Variants in FAF1 observed in about 807,000 individuals in gnomAD.
The protein encoded by FAF1 is FAS-associated factor 1.
FAF1 carries 25 observed loss-of-function variants against 92.5 expected under a neutral mutation model. The observed-to-expected ratio is 0.27, with a 90% CI of 0.20 to 0.38. FAF1 has a LOEUF of 0.38. FAF1 is among the 10% of genes least tolerant of loss of function. The pLI is 1.00. For synonymous variants in FAF1, 234 were observed against 273.2 expected, an observed-to-expected ratio of 0.86 and a Z score of 1.42; for missense variants, 636 against 793.3, an observed-to-expected ratio of 0.80 and a Z score of 2.38.
intron 4 of FAF1, among the ~76,000 whole-genome samples, chr1:50,756,397 G>C (rs1027857296): frequency 6.8e-6 from 1 of 146,860 alleles, no homozygotes; most frequent in African/African-American, 2.8e-5. Flanking sequence ...GACCACCTAA[G>C]CCTGAACTTT....
intron 7 of FAF1, among the ~76,000 whole-genome samples, chr1:50,667,105 G>C (rs1308742425): frequency 6.6e-6 from 1 of 152,174 alleles, no homozygotes; most frequent in Non-Finnish European, 1.5e-5. Flanking sequence ...TCACAGAAAG[G>C]GGGCAGAGTT....
intron 15 of FAF1, among the ~76,000 whole-genome samples, chr1:50,496,383 G>A (rs1419887010): frequency 6.6e-6 from 1 of 152,108 alleles, no homozygotes; most frequent in African/African-American, 2.4e-5. Flanking sequence ...AACATAACAA[G>A]TATGTTCAAA....
chr1:50,736,110 T>C (rs1317578095), intron 6 of FAF1, among the ~76,000 whole-genome samples: 1 of 152,194 alleles, frequency 6.6e-6, no homozygotes, highest in Non-Finnish European at 1.5e-5. Context: ...ATGCAAATTC[T>C]TAAGAATTAT....
intron 2 of FAF1, among the ~76,000 whole-genome samples, chr1:50,810,027 C>A (rs1662356889): frequency 6.6e-6 from 1 of 151,922 alleles, no homozygotes; most frequent in African/African-American, 2.4e-5. Context: ...AGGCTGAGGC[C>A]CGTGGATCAC....
At chr1:50,521,100 T>C (rs572696526) in intron 15 of FAF1, among the ~76,000 whole-genome samples, 2 of 152,230 alleles carry the variant, frequency 1.3e-5, no homozygotes, top group Non-Finnish European at 2.9e-5. Flanking sequence ...TTCTGAACTA[T>C]ATATACATTG....
chr1:50,741,513 C>A (rs1212043273), intron 5 of FAF1, among the ~76,000 whole-genome samples: 2 of 152,140 alleles, frequency 1.3e-5, no homozygotes, highest in Non-Finnish European at 2.9e-5. Context: ...TTTAAAAGAT[C>A]ACTCTGACTG....
At chr1:50,781,406 A>C (rs955170735) in intron 4 of FAF1, among the ~76,000 whole-genome samples, 4 of 152,226 alleles carry the variant, frequency 2.6e-5, no homozygotes, top group Admixed American at 2.6e-4. Flanking sequence ...CTGTCACAGG[A>C]GATAAAGAAA....
At chr1:50,569,563 T>C (rs1650332803) in intron 12 of FAF1, among the ~76,000 whole-genome samples, 1 of 152,196 alleles carries the variant, frequency 6.6e-6, no homozygotes, top group South Asian at 2.1e-4. Context: ...GACAGAGGGA[T>C]GTCAACCCCT....
intron 13 of FAF1, among the ~76,000 whole-genome samples, chr1:50,540,993 C>T (rs1002042045): frequency 6.6e-6 from 1 of 152,174 alleles, no homozygotes; most frequent in Admixed American, 6.5e-5. Context: ...TATGTTCTAG[C>T]TGATGAGCAA....
chr1:50,861,488 A>T (rs978457259), intron 1 of FAF1, among the ~76,000 whole-genome samples: 8 of 151,802 alleles, frequency 5.3e-5, no homozygotes, highest in African/African-American at 1.9e-4. Flanking sequence ...TACTTGTGAG[A>T]GTTAAACAAT....
At chr1:50,612,615 CCAG>C (rs1382253134) in intron 8 of FAF1, 1 of 344,912 alleles carries the variant, frequency 2.9e-6, no homozygotes, top group Non-Finnish European at 4.1e-6. Flanking sequence ...GGATATTTTT[CCAG>C]CAGCATCTAA....
chr1:50,579,813 T>C (rs527342564), intron 12 of FAF1, among the ~76,000 whole-genome samples: 1 of 152,292 alleles, frequency 6.6e-6, no homozygotes, highest in African/African-American at 2.4e-5. Context: ...AGATATCTAA[T>C]ACTCAAATAT....
At chr1:50,944,792 C>T (rs974307338) in intron 1 of FAF1, among the ~76,000 whole-genome samples, 1 of 152,212 alleles carries the variant, frequency 6.6e-6, no homozygotes, top group African/African-American at 2.4e-5. Flanking sequence ...AGATACCAAC[C>T]AGGCTGGCCT....
At chr1:50,555,802 T>G (rs562222176) in intron 13 of FAF1, among the ~76,000 whole-genome samples, 26 of 152,234 alleles carry the variant, frequency 1.7e-4, no homozygotes, top group Middle Eastern at 3.4e-3. Flanking sequence ...AAAAGATACC[T>G]GCATGCATAT....
At chr1:50,773,621 A>T (rs1433543823) in intron 4 of FAF1, among the ~76,000 whole-genome samples, 1 of 152,204 alleles carries the variant, frequency 6.6e-6, no homozygotes, top group African/African-American at 2.4e-5. Context: ...TATGGAATCT[A>T]AACATCTGAA....
chr1:50,624,760 G>A (rs1369870130), intron 8 of FAF1, among the ~76,000 whole-genome samples: 3 of 152,144 alleles, frequency 2.0e-5, no homozygotes, highest in East Asian at 3.9e-4. Context: ...TTCCCTTGGT[G>A]TGACTTACAA....
intron 13 of FAF1, among the ~76,000 whole-genome samples, chr1:50,543,982 A>AT (rs1360844490): frequency 6.6e-6 from 1 of 152,190 alleles, no homozygotes; most frequent in Non-Finnish European, 1.5e-5. Flanking sequence ...TCCTCCCTTT[A>AT]TAACAACTTG....
intron 7 of FAF1, among the ~76,000 whole-genome samples, chr1:50,689,301 C>T (rs1231912513): frequency 1.3e-5 from 2 of 151,926 alleles, no homozygotes; most frequent in African/African-American, 4.8e-5. Flanking sequence ...AACATATGTC[C>T]AGGCCAGGCG....
At chr1:50,699,678 T>C (rs2124412533) in intron 7 of FAF1, among the ~76,000 whole-genome samples, 1 of 152,250 alleles carries the variant, frequency 6.6e-6, no homozygotes, top group Non-Finnish European at 1.5e-5. Context: ...GACTTCTAAT[T>C]AGTTATAATA....
Sources: allele counts gnomAD v4.1 joint callset (sites outside exome capture counted in the v4.1 genomes callset), GRCh38; gene constraint gnomAD v4.1.1; transcripts MANE v1.5; gene names NCBI Gene and HGNC (gene_info 2026-07-23, HGNC 2026-07-21).